The following FGGY variants were observed in gnomAD, a reference collection of about 807,000 sequenced individuals.
FGGY encodes the protein FGGY carbohydrate kinase domain-containing protein.
Under a neutral mutation model 71.3 loss-of-function variants are expected in FGGY, and 72 were observed. That is an observed-to-expected ratio of 1.01 (90% CI 0.84 to 1.23). The LOEUF (loss-of-function observed/expected upper bound fraction) is 1.23. Among genes scored for constraint, FGGY ranks in the 50% most tolerant of loss-of-function variants. The pLI is 0.00. For missense variants in FGGY, 668 were observed against 682.3 expected (o/e 0.98, Z 0.23); for synonymous variants, 251 against 250.3 (o/e 1.00, Z -0.02).
At position 59,450,671 on chromosome 1, in the gene FGGY, C is replaced by A. The variant is rs57341740; in HGVS notation, c.555-6290C>A. ...ATATTTAAATAGAATTGTCTTTTTT[C>A]AAATGCTTTTTAAATTTTAGAAGCT... On this transcript the variant is annotated intron_variant, in intron 5 of 15. Transcript: ENST00000303721. 9.4e-3 allele frequency among the ~76,000 whole-genome samples: 1,422 copies of A among 151,996 alleles called. 24 individuals carry two copies. Among genetic ancestry groups the A allele is most frequent in the African/African-American group, 0.032 (1,332 of 41,526 alleles).
At chr1:59,707,081 C>A (rs2097762130) in intron 14 of FGGY, among the ~76,000 whole-genome samples, 1 of 152,048 alleles carries the variant, frequency 6.6e-6, no homozygotes, top group Non-Finnish European at 1.5e-5. Context: ...GAGATCAAAG[C>A]CTGGTTTCTA....
intron 14 of FGGY, among the ~76,000 whole-genome samples, chr1:59,685,120 G>A (rs976576613): frequency 6.6e-6 from 1 of 152,156 alleles, no homozygotes; most frequent in South Asian, 2.1e-4. Context: ...ATCCCCCACA[G>A]CCCTGTGCTT....
At chr1:59,630,929 G>A (rs1385043087) in intron 10 of FGGY, among the ~76,000 whole-genome samples, 1 of 152,076 alleles carries the variant, frequency 6.6e-6, no homozygotes, top group African/African-American at 2.4e-5. Flanking sequence ...TGTACTCTTG[G>A]TCTCTACTTC....
At chr1:59,481,644 G>A (rs2093472498) in intron 6 of FGGY, among the ~76,000 whole-genome samples, 1 of 152,164 alleles carries the variant, frequency 6.6e-6, no homozygotes, top group Non-Finnish European at 1.5e-5. Flanking sequence ...GAAGTCTCTA[G>A]GTACCGATTC....
chr1:59,678,868 A>T (rs1573055812), intron 14 of FGGY, among the ~76,000 whole-genome samples: 1 of 152,336 alleles, frequency 6.6e-6, no homozygotes, highest in Admixed American at 6.5e-5. Context: ...GGGGAGTACC[A>T]GTGTAAAGAA....
intron 7 of FGGY, among the ~76,000 whole-genome samples, chr1:59,523,032 G>A (rs1364044005): frequency 3.9e-5 from 6 of 152,154 alleles, no homozygotes; most frequent in East Asian, 1.9e-4. Flanking sequence ...GTATATGGCC[G>A]AGAAAATTAG....
intron 11 of FGGY, among the ~76,000 whole-genome samples, chr1:59,639,548 T>G (rs1469403212): frequency 6.6e-6 from 1 of 152,192 alleles, no homozygotes; most frequent in Non-Finnish European, 1.5e-5. Context: ...TAGAAAGTCA[T>G]ACTTTCAGAT....
chr1:59,477,644 C>T (rs2093320269), intron 6 of FGGY, among the ~76,000 whole-genome samples: 1 of 152,124 alleles, frequency 6.6e-6, no homozygotes, highest in African/African-American at 2.4e-5. Context: ...AATTTTCATA[C>T]GCTTTTAGCT....
At chr1:59,373,612 CA>C (rs1006207132) in intron 4 of FGGY, among the ~76,000 whole-genome samples, 1 of 152,076 alleles carries the variant, frequency 6.6e-6, no homozygotes, top group Non-Finnish European at 1.5e-5. Context: ...AATCCTAAGC[CA>C]AAAGAACAAA....
At chr1:59,708,535 C>G (rs1365658478) in intron 14 of FGGY, among the ~76,000 whole-genome samples, 1 of 152,140 alleles carries the variant, frequency 6.6e-6, no homozygotes, top group Non-Finnish European at 1.5e-5. Context: ...AGGAAAGGGA[C>G]AAATAGTAAT....
At chr1:59,310,439 A>C (rs2044109483) in intron 1 of FGGY, among the ~76,000 whole-genome samples, 1 of 152,240 alleles carries the variant, frequency 6.6e-6, no homozygotes, top group Non-Finnish European at 1.5e-5. Context: ...CTATGTAAGA[A>C]CAAATCATTA....
intron 5 of FGGY, among the ~76,000 whole-genome samples, chr1:59,396,587 A>G (rs2061353082): frequency 6.6e-6 from 1 of 152,142 alleles, no homozygotes; most frequent in Admixed American, 6.6e-5. Flanking sequence ...ATGTTATCGC[A>G]CTTCCTAGAA....
chr1:59,699,844 C>T (rs1181494508), intron 14 of FGGY, among the ~76,000 whole-genome samples: 1 of 152,186 alleles, frequency 6.6e-6, no homozygotes, highest in East Asian at 1.9e-4. Flanking sequence ...GGTGCTTTGA[C>T]TTGTTCTGTG....
intron 8 of FGGY, among the ~76,000 whole-genome samples, chr1:59,593,618 T>C (rs1203316175): frequency 2.0e-5 from 3 of 152,238 alleles, no homozygotes; most frequent in African/African-American, 4.8e-5. Flanking sequence ...TTAAAAATTC[T>C]TACTGTATAG....
At position 59,309,433 on chromosome 1, in the gene FGGY, G is replaced by T. The variant is rs572428278; in HGVS notation, c.-14-12103G>T. Among the ~76,000 whole-genome samples the T allele has an allele frequency of 3.1e-3, 468 of 152,230 alleles. 1 individual carries two copies. The highest frequency in any genetic ancestry group is 5.1e-3 in the Non-Finnish European group (347 of 68,016). ...TAGTAGTTTTGTAGCATTGAAGTAC[G>T]AAGGTTGAGGTTAGGGAGAGAGGCA... On this transcript the variant is annotated intron_variant, in intron 1 of 15. Coordinates refer to ENST00000303721, the MANE Select transcript of FGGY (RefSeq NM_018291.5).
chr1:59,435,048 G>A (rs1342779601), intron 5 of FGGY, among the ~76,000 whole-genome samples: 2 of 152,134 alleles, frequency 1.3e-5, no homozygotes, highest in African/African-American at 4.8e-5. Context: ...CTCAGGATCC[G>A]GCAGCAGTGA....
chr1:59,307,520 T>C (rs78131846), intron 1 of FGGY, among the ~76,000 whole-genome samples: 3,499 of 152,290 alleles, frequency 0.023, 115 homozygotes, highest in African/African-American at 0.075. Context: ...TCTATGACCC[T>C]GACAGGTGAC....
chr1:59,511,413 C>T (rs1295300992), intron 6 of FGGY, among the ~76,000 whole-genome samples: 1 of 150,864 alleles, frequency 6.6e-6, no homozygotes, highest in Non-Finnish European at 1.5e-5. Context: ...ACTCCTAGCC[C>T]CTCCCTGCAG....
intron 14 of FGGY, among the ~76,000 whole-genome samples, chr1:59,741,631 C>T (rs981753450): frequency 6.6e-6 from 1 of 152,128 alleles, no homozygotes; most frequent in Admixed American, 6.5e-5. Context: ...TAGTGAGACA[C>T]TTTCTCTAAT....
Sources: allele counts gnomAD v4.1 joint callset (sites outside exome capture counted in the v4.1 genomes callset), GRCh38; gene constraint gnomAD v4.1.1; transcripts MANE v1.5; gene names NCBI Gene and HGNC (gene_info 2026-07-23, HGNC 2026-07-21).